Variants in CCDC171 observed in about 807,000 individuals in gnomAD.
The protein encoded by CCDC171 is coiled-coil domain-containing protein 171.
CCDC171 carries 177 observed loss-of-function variants against 168.2 expected under a neutral mutation model. The observed-to-expected ratio is 1.05, with a 90% CI of 0.93 to 1.19. The LOEUF (loss-of-function observed/expected upper bound fraction) is 1.19. Ranked by LOEUF, CCDC171 falls within the 50% of genes most tolerant of loss-of-function variation. The pLI is 0.00. For synonymous variants in CCDC171, 687 were observed against 540.8 expected (o/e 1.27, Z -3.75); for missense variants, 1,991 against 1,539.0 (o/e 1.29, Z -4.91).
upstream of CCDC171, among the ~76,000 whole-genome samples, chr9:16,039,434 G>T (rs1489481276): frequency 6.6e-6 from 1 of 152,218 alleles, no homozygotes; most frequent in African/African-American, 2.4e-5. Flanking sequence ...TGAGGCTGCA[G>T]AAAGTCACAT....
intron 23 of CCDC171, among the ~76,000 whole-genome samples, chr9:15,873,873 G>C (rs1817507002): frequency 6.6e-6 from 1 of 152,032 alleles, no homozygotes; most frequent in Non-Finnish European, 1.5e-5. Flanking sequence ...ACTTAAAATA[G>C]AGTACAAATA....
In CCDC171 at chr9:16,052,064, C is replaced by T. The variant is rs527527125; in HGVS notation, n.90-8582C>T. On this transcript the variant is annotated intron_variant and non_coding_transcript_variant, in intron 1 of 1. Coordinates refer to the CCDC171 transcript ENST00000478913. ...ATTACCTCCCACCAAGTCCCTTCCACGACAGGTGGGAATTACAGGAGCTAC... is the reference window on the plus strand; with the variant it reads ...ATTACCTCCCACCAAGTCCCTTCCATGACAGGTGGGAATTACAGGAGCTAC... 1.4e-4 allele frequency among the ~76,000 whole-genome samples: 22 copies of T among 152,282 alleles called. 1 individual carries two copies. The South Asian group carries it at 1.9e-3, about 13-fold the overall frequency.
chr9:16,052,693 T>G (rs1353547654), intron 1 of CCDC171, among the ~76,000 whole-genome samples: 1 of 152,142 alleles, frequency 6.6e-6, no homozygotes, highest in African/African-American at 2.4e-5. Context: ...TCTATTTGAT[T>G]TGTTCCATGA....
At chr9:16,001,991 C>G (rs559361061) in intron 3 of CCDC171, among the ~76,000 whole-genome samples, 53 of 151,854 alleles carry the variant, frequency 3.5e-4, no homozygotes, top group African/African-American at 1.2e-3. Flanking sequence ...CAGGAGCCAC[C>G]ATTGCCCATC....
chr9:15,952,200 C>T (rs1043237270), intron 25 of CCDC171, among the ~76,000 whole-genome samples: 2 of 152,104 alleles, frequency 1.3e-5, no homozygotes, highest in East Asian at 1.9e-4. Flanking sequence ...TTATCTGATG[C>T]TTTACTTCTG....
chr9:15,570,414 A>G (rs1312768259), intron 2 of CCDC171, among the ~76,000 whole-genome samples: 2 of 149,968 alleles, frequency 1.3e-5, no homozygotes, highest in South Asian at 2.1e-4. Flanking sequence ...CTAAGTTGTC[A>G]TCTTTCTGCA....
chr9:15,632,927 T>C (rs2045858093), intron 7 of CCDC171, among the ~76,000 whole-genome samples: 4 of 152,178 alleles, frequency 2.6e-5, no homozygotes, highest in Admixed American at 6.6e-5. Flanking sequence ...GCGGAAAGGA[T>C]TCCCTGTTTA....
intron 23 of CCDC171, among the ~76,000 whole-genome samples, chr9:15,864,988 A>T (rs1035595908): frequency 6.6e-6 from 1 of 152,096 alleles, no homozygotes; most frequent in African/African-American, 2.4e-5. Flanking sequence ...ACAGGCTTTA[A>T]AAGTACCAAA....
At chr9:15,554,530 C>G (rs891059857) in intron 1 of CCDC171, among the ~76,000 whole-genome samples, 2 of 152,168 alleles carry the variant, frequency 1.3e-5, no homozygotes, top group Non-Finnish European at 2.9e-5. Context: ...GGCAAACCAC[C>G]TAACCTTCCT....
chr9:15,646,514 G>T (rs936241076), intron 7 of CCDC171, among the ~76,000 whole-genome samples: 12 of 152,160 alleles, frequency 7.9e-5, no homozygotes, highest in African/African-American at 2.9e-4. Context: ...CCCATCTCAT[G>T]TGCAGAGACA....
intron 2 of CCDC171, among the ~76,000 whole-genome samples, chr9:15,565,086 CT>C (rs34584445): frequency 0.01 from 1,226 of 119,824 alleles, 11 homozygotes; most frequent in African/African-American, 0.03. Context: ...CCACCCCCCA[CT>C]TTTTTTTTTT....
chr9:15,806,156 C>T (rs907356935), intron 21 of CCDC171, among the ~76,000 whole-genome samples: 16 of 152,120 alleles, frequency 1.1e-4, no homozygotes, highest in African/African-American at 3.9e-4. Flanking sequence ...CTCTTGAAGA[C>T]AGCATACCGA....
intron 8 of CCDC171, among the ~76,000 whole-genome samples, chr9:15,660,864 A>G (rs1244395402): frequency 1.3e-5 from 2 of 152,224 alleles, no homozygotes; most frequent in Non-Finnish European, 2.9e-5. Context: ...GCTGGATCAA[A>G]TGGTAGTTCT....
the CCDC171 span, among the ~76,000 whole-genome samples, chr9:16,108,712 G>T: frequency 2.0e-5 from 3 of 152,134 alleles, no homozygotes; most frequent in South Asian, 6.2e-4. Flanking sequence ...GTGTTCACAG[G>T]TCTGCATCTG....
chr9:16,099,711 A>G, the CCDC171 span, among the ~76,000 whole-genome samples: 70,353 of 152,022 alleles, frequency 0.46, 18,246 homozygotes, highest in African/African-American at 0.71. Context: ...GTCTGCACTG[A>G]TTTGGCAATG....
intron 6 of CCDC171, among the ~76,000 whole-genome samples, chr9:16,024,671 G>C (rs560338366): frequency 6.6e-6 from 1 of 152,316 alleles, no homozygotes; most frequent in Admixed American, 6.5e-5. Context: ...CTTTATTCTG[G>C]AAACCAGAGC....
chr9:15,652,011 C>T (rs1221828676), intron 7 of CCDC171, among the ~76,000 whole-genome samples: 2 of 151,996 alleles, frequency 1.3e-5, no homozygotes, highest in African/African-American at 2.4e-5. Flanking sequence ...GGGCCCAAGC[C>T]GTCCTTTCCA....
At chr9:16,084,471 C>A in the CCDC171 span, among the ~76,000 whole-genome samples, 2 of 152,170 alleles carry the variant, frequency 1.3e-5, no homozygotes, top group African/African-American at 4.8e-5. Flanking sequence ...AGAGCAACAA[C>A]AGTAGCAACA....
intron 3 of CCDC171, among the ~76,000 whole-genome samples, chr9:16,007,778 TC>T (rs1832750372): frequency 6.6e-6 from 1 of 152,222 alleles, no homozygotes; most frequent in South Asian, 2.1e-4. Context: ...TCTGTTCTGT[TC>T]CATTGGTCTA....
Sources: allele counts gnomAD v4.1 joint callset (sites outside exome capture counted in the v4.1 genomes callset), GRCh38; gene constraint gnomAD v4.1.1; transcripts MANE v1.5; gene names NCBI Gene and HGNC (gene_info 2026-07-23, HGNC 2026-07-21).